The following BCKDHA variants were observed in gnomAD, a reference collection of about 807,000 sequenced individuals.
BCKDHA encodes 2-oxoisovalerate dehydrogenase subunit alpha, mitochondrial.
Under a neutral mutation model 52.2 loss-of-function variants are expected in BCKDHA, and 43 were observed. That is an observed-to-expected ratio of 0.82 (90% CI 0.64 to 1.06). The LOEUF is 1.06. Ranked by LOEUF, BCKDHA falls within the 50% of genes least tolerant of loss-of-function variation. The probability of loss-of-function intolerance (pLI) is 0.00; values close to 1 mark genes in which losing one functional copy is unlikely to be tolerated. For missense variants in BCKDHA, 527 were observed against 621.3 expected, an observed-to-expected ratio of 0.85 and a Z score of 1.61; for synonymous variants, 234 against 247.9, an observed-to-expected ratio of 0.94 and a Z score of 0.53.
At chr19:41,406,918 T>C (rs747037409) in intron 1 of BCKDHA, among the ~76,000 whole-genome samples, 1 of 152,042 alleles carries the variant, frequency 6.6e-6, no homozygotes, top group Non-Finnish European at 1.5e-5. Context: ...TTGCCTAGGC[T>C]GGACTCACTA....
At chr19:41,411,113 G>T (rs774803865) in intron 3 of BCKDHA, 104 bp downstream of exon 3, 31 of 1,297,228 alleles carry the variant, frequency 2.4e-5, no homozygotes, top group Admixed American at 1.8e-4. Flanking sequence ...ATTCTTTTTT[G>T]GGGGGGTTCC....
intron 1 of BCKDHA, among the ~76,000 whole-genome samples, 193 bp downstream of exon 1, chr19:41,398,128 T>C (rs1599945482): frequency 6.6e-6 from 1 of 152,284 alleles, no homozygotes; most frequent in East Asian, 1.9e-4. Flanking sequence ...CTTCCACTTC[T>C]TTAGGAGAGG....
At chr19:41,417,298 G>A (rs1426727779) in intron 4 of BCKDHA, among the ~76,000 whole-genome samples, 4 of 152,048 alleles carry the variant, frequency 2.6e-5, no homozygotes, top group Non-Finnish European at 4.4e-5. Context: ...TTACAGGCAC[G>A]AGCCACTGAG....
chr19:41,409,410 G>A (rs2039227566), intron 1 of BCKDHA, among the ~76,000 whole-genome samples: 2 of 152,204 alleles, frequency 1.3e-5, no homozygotes, highest in Non-Finnish European at 2.9e-5. Flanking sequence ...TAGGCAGCAA[G>A]GACAGATATC....
chr19:41,403,927 C>T (rs921216093), intron 1 of BCKDHA, among the ~76,000 whole-genome samples: 6 of 152,138 alleles, frequency 3.9e-5, no homozygotes, highest in East Asian at 3.8e-4. Context: ...TGAAATCTCC[C>T]GTTTTTTTTT....
At chr19:41,415,486 T>A (rs1341345480) in intron 4 of BCKDHA, 2 of 152,202 alleles carry the variant, frequency 1.3e-5, no homozygotes, top group Non-Finnish European at 2.9e-5. Context: ...AGAGGCAGCA[T>A]GGTGCAGGGT....
intron 4 of BCKDHA, among the ~76,000 whole-genome samples, chr19:41,416,564 C>T (rs534449104): frequency 3.3e-5 from 5 of 152,320 alleles, no homozygotes; most frequent in African/African-American, 1.2e-4. Flanking sequence ...CTTCCCAGGG[C>T]TATATGTGGA....
At chr19:41,409,940 AC>A in intron 1 of BCKDHA, among the ~76,000 whole-genome samples, 1 of 151,916 alleles carries the variant, frequency 6.6e-6, no homozygotes, top group Non-Finnish European at 1.5e-5. Flanking sequence ...AGCTGGGACT[AC>A]AGGCATGTGC....
At chr19:41,417,014 A>G (rs2039313575) in intron 4 of BCKDHA, among the ~76,000 whole-genome samples, 3 of 151,860 alleles carry the variant, frequency 2.0e-5, no homozygotes, top group South Asian at 4.2e-4. Context: ...GTGAGTCTGT[A>G]TTTTCTTTTT....
chr19:41,406,947 C>T (rs1427543078), intron 1 of BCKDHA, among the ~76,000 whole-genome samples: 1 of 152,018 alleles, frequency 6.6e-6, no homozygotes, highest in Non-Finnish European at 1.5e-5. Context: ...AGGCTGATCT[C>T]GAACCACTGG....
intron 1 of BCKDHA, among the ~76,000 whole-genome samples, chr19:41,409,543 G>A (rs893346409): frequency 6.6e-6 from 1 of 152,098 alleles, no homozygotes; most frequent in African/African-American, 2.4e-5. Flanking sequence ...AGTGGACACT[G>A]AAGCGTATGT....
intron 3 of BCKDHA, among the ~76,000 whole-genome samples, chr19:41,411,261 G>T (rs1049410943): frequency 2.0e-5 from 3 of 152,122 alleles, no homozygotes; most frequent in Admixed American, 1.3e-4. Context: ...TGGGGAGAGG[G>T]CAGGGAGAAG....
Position 41,424,630 on chromosome 19 carries a change from C to T in BCKDHA, c.*22C>T. The T allele has an allele frequency of 1.9e-6, 3 of 1,563,746 alleles. No homozygotes were observed. The highest frequency in any genetic ancestry group is 1.7e-6 in the Non-Finnish European group (2 of 1,150,236). ...GTGAGACCTGCTCAGCCCACCCCCACCCATCCTCAGCTACCCCGAGAGGTA... is the reference window on the plus strand; with the variant it reads ...GTGAGACCTGCTCAGCCCACCCCCATCCATCCTCAGCTACCCCGAGAGGTA... On this transcript the variant is annotated 3_prime_UTR_variant, in exon 9 of 9. Transcript: ENST00000269980.
At chr19:41,419,717 C>T (rs1162749361) in intron 5 of BCKDHA, among the ~76,000 whole-genome samples, 1 of 148,232 alleles carries the variant, frequency 6.7e-6, no homozygotes, top group African/African-American at 2.5e-5. Context: ...GCTGGGATTA[C>T]AGGCGTTTAA....
intron 3 of BCKDHA, 24 bp from the exon 4 acceptor site, chr19:41,414,025 C>A (rs370758538): frequency 2.7e-4 from 427 of 1,598,488 alleles, no homozygotes; most frequent in Non-Finnish European, 3.4e-4. Flanking sequence ...AATTGTGGGA[C>A]CCCGGTCCCC....
chr19:41,407,950 A>ATTT (rs144717663), intron 1 of BCKDHA, among the ~76,000 whole-genome samples: 14 of 124,454 alleles, frequency 1.1e-4, no homozygotes, highest in East Asian at 2.4e-4. Flanking sequence ...TTCTGATGTA[A>ATTT]TTTTTTTTTT....
chr19:41,424,396 T>C, intron 8 of BCKDHA, 42 bp from the exon 9 acceptor site: 10 of 1,612,284 alleles, frequency 6.2e-6, no homozygotes, highest in Non-Finnish European at 8.5e-6. Flanking sequence ...GGGTCCTGCA[T>C]GGGAGGCCGG....
chr19:41,413,820 A>G (rs781660842), intron 3 of BCKDHA, among the ~76,000 whole-genome samples: 11 of 152,126 alleles, frequency 7.2e-5, no homozygotes, highest in Non-Finnish European at 1.6e-4. Context: ...GTGGTGGAAC[A>G]GGTGCTTCCT....
intron 5 of BCKDHA, 134 bp downstream of exon 5, chr19:41,419,430 A>G (rs890923465): frequency 1.6e-5 from 19 of 1,156,952 alleles, no homozygotes; most frequent in Non-Finnish European, 2.3e-5. Flanking sequence ...TCTGTGCTCC[A>G]GACTTCTTCT....
Sources: gnomAD v4.1 joint callset for allele counts (sites outside exome capture counted in the v4.1 genomes callset) on GRCh38, gnomAD v4.1.1 for gene constraint, MANE v1.5 for transcripts, NCBI Gene and HGNC (gene_info 2026-07-23, HGNC 2026-07-21) for gene names.